The following ULK2 variants were observed in gnomAD, a reference collection of about 807,000 sequenced individuals.
ULK2 encodes the protein unc-51 like autophagy activating kinase 2, also known as serine/threonine-protein kinase ULK2.
ULK2 carries 76 observed loss-of-function variants against 127.5 expected under a neutral mutation model. The ratio of observed to expected loss-of-function variants is 0.60; its 90% confidence interval spans 0.50 to 0.72. The LOEUF (loss-of-function observed/expected upper bound fraction) is 0.72. ULK2 is among the 30% of genes least tolerant of loss of function. The probability of loss-of-function intolerance (pLI) is 0.00; values close to 1 mark genes in which losing one functional copy is unlikely to be tolerated. For missense variants in ULK2, 1,144 were observed against 1,295.9 expected, an observed-to-expected ratio of 0.88 and a Z score of 1.80; for synonymous variants, 452 against 461.9, an observed-to-expected ratio of 0.98 and a Z score of 0.28.
intron 20 of ULK2, among the ~76,000 whole-genome samples, chr17:19,790,276 G>A (rs1166375666): frequency 6.6e-6 from 1 of 152,136 alleles, no homozygotes; most frequent in Admixed American, 6.5e-5. Flanking sequence ...AATTTGCCAG[G>A]TGTGGTGGCA....
At chr17:19,831,321 C>T (rs1037251197) in intron 10 of ULK2, among the ~76,000 whole-genome samples, 12 of 152,226 alleles carry the variant, frequency 7.9e-5, no homozygotes, top group South Asian at 4.2e-4. Context: ...AGCCCTTCCC[C>T]GTCTCATCTC....
intron 25 of ULK2, 90 bp from the exon 26 acceptor site, chr17:19,777,806 C>G: frequency 4.8e-6 from 7 of 1,447,216 alleles, no homozygotes; most frequent in Non-Finnish European, 6.4e-6. Context: ...TGGAATCCAC[C>G]TAAAATTAAC....
Position 19,782,017 on chromosome 17 carries a change from A to G in ULK2, c.2511T>C (p.Thr837=), listed in dbSNP as rs777797784. ...TGGCTGTCAGGTCCAGCACACACTC[A>G]GTGAACATCAGCATCACATTCAGAT... is the stretch of plus-strand genomic sequence containing the variant. ...LRHLNVMLMF[T]ECVLDLTAMR... Residue 837 remains threonine, a synonymous_variant, in exon 23 of 27, where the codon ACT becomes ACC. Coordinates refer to ENST00000395544, the MANE Select transcript of ULK2 (RefSeq NM_014683.4). The G allele has an allele frequency of 6.2e-7, 1 of 1,614,210 alleles. No homozygotes were observed. The highest frequency in any genetic ancestry group is 1.1e-5 in the South Asian group (1 of 91,080).
At chr17:19,800,020 G>C (rs2087363403) in intron 16 of ULK2, among the ~76,000 whole-genome samples, 1 of 152,212 alleles carries the variant, frequency 6.6e-6, no homozygotes, top group African/African-American at 2.4e-5. Flanking sequence ...ATTCAGGCTT[G>C]TTGAAGCGGG....
chr17:19,852,384 G>C (rs529819094), intron 3 of ULK2, among the ~76,000 whole-genome samples: 11 of 144,520 alleles, frequency 7.6e-5, no homozygotes, highest in African/African-American at 2.8e-4. Context: ...AGCTGGGCAT[G>C]GTGGCCGGCG....
intron 3 of ULK2, among the ~76,000 whole-genome samples, chr17:19,854,273 CAAAA>C (rs769634028): frequency 1.3e-5 from 1 of 79,580 alleles, no homozygotes; most frequent in African/African-American, 4.7e-5. Context: ...GATTCCATCT[CAAAA>C]AAAAAAAAAA....
At chr17:19,867,189 G>A (rs2152404695) in intron 1 of ULK2, 139 bp downstream of exon 1, 4 of 624,930 alleles carry the variant, frequency 6.4e-6, no homozygotes, top group East Asian at 3.5e-5. Context: ...AACAAACGGC[G>A]AGACGGGCTG....
rs1263820330 is a variant in ULK2 at position 19,773,403 on chromosome 17, T to G, written c.*2946A>C. On this transcript the variant is annotated 3_prime_UTR_variant, in exon 27 of 27. Coordinates refer to ENST00000395544, the MANE Select transcript of ULK2 (RefSeq NM_014683.4). ...ATCCAGCCCTAAAAATCCTCTCCTCTCAAGCTCCTGGACGGGACTCTAGTG... is the reference window on the plus strand; with the variant it reads ...ATCCAGCCCTAAAAATCCTCTCCTCGCAAGCTCCTGGACGGGACTCTAGTG... 1.3e-5 allele frequency: 2 copies of G among 151,940 alleles called. No homozygotes were observed. The highest frequency in any genetic ancestry group is 2.9e-5 in the Non-Finnish European group (2 of 68,010). The allele number at this position is 151,940 out of a possible 1,614,324, so 9.4% of individuals were successfully genotyped here.
intron 12 of ULK2, among the ~76,000 whole-genome samples, chr17:19,817,589 G>C (rs776507143): frequency 6.6e-6 from 1 of 152,142 alleles, no homozygotes; most frequent in Non-Finnish European, 1.5e-5. Flanking sequence ...AAATACTTAA[G>C]AGCTAACTAG....
chr17:19,801,970 T>C (rs1567687430), intron 15 of ULK2, 48 bp from the exon 16 acceptor site: 2 of 1,530,690 alleles, frequency 1.3e-6, no homozygotes, highest in Non-Finnish European at 8.7e-7. Context: ...AACTCTCTTT[T>C]TATTCCTGCA....
At chr17:19,800,749 G>GT (rs1567686284) in intron 16 of ULK2, among the ~76,000 whole-genome samples, 1 of 152,066 alleles carries the variant, frequency 6.6e-6, no homozygotes, top group African/African-American at 2.4e-5. Context: ...TCTCCTGGAA[G>GT]TATTTTTTTT....
intron 3 of ULK2, among the ~76,000 whole-genome samples, chr17:19,856,569 G>A (rs888051220): frequency 2.0e-5 from 3 of 151,526 alleles, no homozygotes; most frequent in Non-Finnish European, 4.4e-5. Context: ...GCGACAGAGC[G>A]AGACTCCGTC....
chr17:19,822,691 TG>T (rs1367591597), intron 12 of ULK2, among the ~76,000 whole-genome samples: 16 of 151,742 alleles, frequency 1.1e-4, no homozygotes, highest in Non-Finnish European at 1.8e-4. Context: ...TTGTTTGGTT[TG>T]TTTTTTTTTA....
In ULK2 at chr17:19,842,786, C is replaced by T. The variant is rs558280414; in HGVS notation, c.645+335G>A. Among the ~76,000 whole-genome samples the T allele has an allele frequency of 3.3e-5, 5 of 152,170 alleles. No homozygotes were observed. In the South Asian group the frequency reaches 1.0e-3, roughly 32 times the overall value. ...GTTTCCAGAGATCTCCCCAGACCAG[C>T]CCCAGCCCTCATGTGGATTCCGGGA... is the stretch of plus-strand genomic sequence containing the variant. On this transcript the variant is annotated intron_variant, in intron 8 of 26. Coordinates refer to ENST00000395544, the MANE Select transcript of ULK2 (RefSeq NM_014683.4).
intron 10 of ULK2, among the ~76,000 whole-genome samples, chr17:19,835,081 G>A (rs369255231): frequency 6.6e-6 from 1 of 151,890 alleles, no homozygotes; most frequent in Admixed American, 6.6e-5. Context: ...AGGGAAGAGC[G>A]AATGGAGCCA....
At chr17:19,786,175 T>C in intron 20 of ULK2, 89 bp from the exon 21 acceptor site, 2 of 1,312,826 alleles carry the variant, frequency 1.5e-6, no homozygotes, top group African/African-American at 1.6e-5. Context: ...GACTTTTATA[T>C]CAGGAGTCTA....
In ULK2 at chr17:19,782,049, A is replaced by C. The variant is rs1014223038; in HGVS notation, c.2479T>G (p.Leu827Val). The change falls in exon 23 of 27, where the codon TTA becomes GTA. Residue 827 changes from leucine (L) to valine (V), a missense_variant. By Grantham distance (32) the Leu-to-Val change is conservative (BLOSUM62 1). Transcript: ENST00000395544. ...TLMEREHTDT[L>V]RHLNVMLMFT... ...ATCAGCATCACATTCAGATGGCGTAAGGTGTCTGTGTGTTCCCGCTGCAGC... is the reference window on the plus strand; with the variant it reads ...ATCAGCATCACATTCAGATGGCGTACGGTGTCTGTGTGTTCCCGCTGCAGC... 3.7e-6 allele frequency: 6 copies of C among 1,614,128 alleles called. No individual in the cohort carries two copies. The highest frequency in any genetic ancestry group is 5.1e-6 in the Non-Finnish European group (6 of 1,180,030).
intron 10 of ULK2, among the ~76,000 whole-genome samples, chr17:19,836,168 T>A (rs1021341233): frequency 2.7e-5 from 4 of 150,870 alleles, no homozygotes; most frequent in African/African-American, 9.8e-5. Flanking sequence ...CCCACCACTT[T>A]GGGAGACCGA....
chr17:19,787,466 T>C (rs1272896446), intron 20 of ULK2, among the ~76,000 whole-genome samples: 1 of 152,086 alleles, frequency 6.6e-6, no homozygotes, highest in East Asian at 1.9e-4. Flanking sequence ...ATATATTTGA[T>C]AATAAGAACA....
Sources: gnomAD v4.1 joint callset for allele counts (sites outside exome capture counted in the v4.1 genomes callset) on GRCh38, gnomAD v4.1.1 for gene constraint, MANE v1.5 for transcripts, NCBI Gene and HGNC (gene_info 2026-07-23, HGNC 2026-07-21) for gene names.